Variants in DMGDH observed in about 807,000 individuals in gnomAD.
DMGDH encodes the protein dimethylglycine dehydrogenase, also known as dimethylglycine dehydrogenase, mitochondrial.
Under a neutral mutation model 95.2 loss-of-function variants are expected in DMGDH, and 76 were observed. That is an observed-to-expected ratio of 0.80 (90% CI 0.66 to 0.97). The LOEUF (loss-of-function observed/expected upper bound fraction) is 0.97, where lower values mean the gene tolerates loss of function less well. Ranked by LOEUF, DMGDH falls within the 50% of genes least tolerant of loss-of-function variation. The probability of loss-of-function intolerance (pLI) is 0.00; values close to 1 mark genes in which losing one functional copy is unlikely to be tolerated. For missense variants in DMGDH, 987 were observed against 1,055.0 expected, an observed-to-expected ratio of 0.94 and a Z score of 0.89; for synonymous variants, 345 against 377.6, an observed-to-expected ratio of 0.91 and a Z score of 1.00.
At chr5:79,052,976 C>A (rs1037739913) in intron 4 of DMGDH, among the ~76,000 whole-genome samples, 1 of 152,164 alleles carries the variant, frequency 6.6e-6, no homozygotes, top group Non-Finnish European at 1.5e-5. Flanking sequence ...ACAGCCCCAT[C>A]TGATACACTT....
In DMGDH at chr5:79,054,326, C is replaced by T. The variant is rs757714027; in HGVS notation, c.398G>A (p.Gly133Asp). The T allele has an allele frequency of 9.9e-6, 16 of 1,613,936 alleles. No individual in the cohort carries two copies. The highest frequency in any genetic ancestry group is 1.7e-5 in the Admixed American group (1 of 59,986). The change falls in exon 4 of 16, where the codon GGT (glycine) becomes GAT (aspartate). Residue 133 changes from glycine (G) to aspartate (D), a missense_variant. Physicochemically the swap from Gly to Asp is moderately conservative, Grantham distance 94. Coordinates refer to ENST00000255189, the MANE Select transcript of DMGDH (RefSeq NM_013391.3). ...AGGGGTGGTAGCAAGTCTGATACTA[C>T]CTGGCTGATGGAATCCCACCACCTG... ...TGQVVGFHQP[G>D]SIRLATTPVR...
chr5:79,069,549 C>T lies in DMGDH; in HGVS notation c.72G>A (p.Gly24=). The change falls in exon 1 of 16, where the codon GGG becomes GGA. Residue 24 remains glycine (G), a synonymous_variant. Coordinates refer to ENST00000255189, the MANE Select transcript of DMGDH (RefSeq NM_013391.3). ...LRSCPLQGSP[G]RPRSVCGREG... is the part of the protein sequence containing the mutation. ...CCCGGCCGCAGACAGAGCGCGGGCG[C>T]CCGGGGGAGCCCTGCAGCGGGCAGC... 1 of 1,317,590 alleles carries T rather than the reference C, an allele frequency of 7.6e-7. No homozygotes were observed. Among genetic ancestry groups the T allele is most frequent in the Non-Finnish European group, 9.7e-7 (1 of 1,036,074 alleles). 81.6% of individuals were successfully genotyped at this position (1,317,590 alleles called of 1,614,324 possible). A position where few individuals can be genotyped will look rare whatever the true frequency, so the allele number is the denominator to read the frequency against.
chr5:79,050,203 G>A (rs1160774220), intron 5 of DMGDH, among the ~76,000 whole-genome samples: 3 of 137,462 alleles, frequency 2.2e-5, no homozygotes, highest in Non-Finnish European at 4.6e-5. Flanking sequence ...AGCCGAGATC[G>A]CGCCATTGCA....
chr5:79,015,235 T>C (rs939164799), intron 14 of DMGDH, among the ~76,000 whole-genome samples: 1 of 152,192 alleles, frequency 6.6e-6, no homozygotes, highest in African/African-American at 2.4e-5. Flanking sequence ...CAGTCCCTCA[T>C]GTGGTATCCA....
intron 8 of DMGDH, 70 bp downstream of exon 8, chr5:79,033,169 A>G (rs967275882): frequency 1.3e-6 from 2 of 1,592,280 alleles, no homozygotes. Flanking sequence ...AATAAAGACC[A>G]TCTAAAGTCA....
At chr5:79,041,057 C>T (rs1313190163) in intron 7 of DMGDH, among the ~76,000 whole-genome samples, 4 of 152,214 alleles carry the variant, frequency 2.6e-5, no homozygotes, top group East Asian at 1.9e-4. Context: ...AACATATAGA[C>T]GGTGGTCAAG....
chr5:79,059,146 T>C (rs1335436667), intron 2 of DMGDH, among the ~76,000 whole-genome samples: 1 of 152,258 alleles, frequency 6.6e-6, no homozygotes, highest in Admixed American at 6.5e-5. Context: ...TTATTTTATA[T>C]ACTGTGTAGA....
intron 14 of DMGDH, chr5:79,021,122 A>G: frequency 1.0e-6 from 1 of 986,644 alleles, no homozygotes; most frequent in Non-Finnish European, 1.2e-6. Flanking sequence ...AGATTTTAAA[A>G]GTACAGATTC....
intron 5 of DMGDH, among the ~76,000 whole-genome samples, chr5:79,048,957 T>C (rs1422502726): frequency 1.3e-5 from 2 of 151,956 alleles, no homozygotes; most frequent in African/African-American, 2.4e-5. Flanking sequence ...AGCAAAGAAA[T>C]GCCTGGAGTT....
intron 11 of DMGDH, among the ~76,000 whole-genome samples, chr5:79,029,108 C>T (rs897993929): frequency 2.0e-5 from 3 of 152,188 alleles, no homozygotes; most frequent in African/African-American, 7.2e-5. Flanking sequence ...GACAGAAACT[C>T]TAGTTTCAAT....
intron 13 of DMGDH, among the ~76,000 whole-genome samples, chr5:79,025,368 C>T (rs1005690528): frequency 6.6e-6 from 1 of 152,210 alleles, no homozygotes; most frequent in African/African-American, 2.4e-5. Context: ...CTAGCCTCGC[C>T]TCAGTCCCCA....
chr5:79,068,582 T>C (rs1272124155), intron 1 of DMGDH, among the ~76,000 whole-genome samples: 2 of 152,194 alleles, frequency 1.3e-5, no homozygotes, highest in African/African-American at 4.8e-5. Context: ...ATTTGTTGAA[T>C]GGATAGATGG....
chr5:79,032,959 A>T, intron 8 of DMGDH, 119 bp from the exon 9 acceptor site: 3 of 1,201,840 alleles, frequency 2.5e-6, no homozygotes, highest in Non-Finnish European at 3.6e-6. Flanking sequence ...ATACATACAT[A>T]CATATATATG....
At chr5:79,006,965 T>A (rs757210483) in intron 14 of DMGDH, among the ~76,000 whole-genome samples, 8 of 152,182 alleles carry the variant, frequency 5.3e-5, no homozygotes, top group Non-Finnish European at 1.0e-4. Flanking sequence ...AGAGAAAGTT[T>A]CCATTAGCCG....
chr5:79,015,578 T>A (rs1753716794), intron 14 of DMGDH, among the ~76,000 whole-genome samples: 1 of 152,228 alleles, frequency 6.6e-6, no homozygotes, highest in Middle Eastern at 3.2e-3. Flanking sequence ...ATCTGCTATG[T>A]GCCAGCCCTG....
intron 14 of DMGDH, among the ~76,000 whole-genome samples, chr5:79,019,914 C>T (rs1359314219): frequency 6.6e-6 from 1 of 151,892 alleles, no homozygotes; most frequent in African/African-American, 2.4e-5. Flanking sequence ...ACAGATAGAT[C>T]GATAGATAGA....
intron 5 of DMGDH, among the ~76,000 whole-genome samples, chr5:79,049,919 G>A (rs1754787083): frequency 6.6e-6 from 1 of 152,106 alleles, no homozygotes; most frequent in African/African-American, 2.4e-5. Context: ...AAATATTGAA[G>A]ACATGACTTT....
intron 14 of DMGDH, among the ~76,000 whole-genome samples, chr5:79,015,163 T>C (rs1258533408): frequency 6.6e-6 from 1 of 152,074 alleles, no homozygotes; most frequent in Non-Finnish European, 1.5e-5. Flanking sequence ...CCCACACCCC[T>C]CCACCTGTGT....
rs776444842 is a variant in DMGDH at position 78,998,119 on chromosome 5, T to C, written c.2564A>G (p.Asn855Ser). The change falls in exon 16 of 16, where the codon AAC (asparagine) becomes AGC (serine). Residue 855 changes from asparagine to serine, a missense_variant. Coordinates refer to ENST00000255189, the MANE Select transcript of DMGDH (RefSeq NM_013391.3). ...CTTTCCACCTTTTTTCTGAAGCCGGTTTCTGGTTGGTTCGGTCAATACCAA... is the reference window on the plus strand; with the variant it reads ...CTTTCCACCTTTTTTCTGAAGCCGGCTTCTGGTTGGTTCGGTCAATACCAA... Reference protein sequence around the residue: ...EPLVLTEPTRNRLQKKGGKDK... With the variant: ...EPLVLTEPTRSRLQKKGGKDK... 4.5e-5 allele frequency: 73 copies of C among 1,614,170 alleles called. No individual in the cohort carries two copies. The highest frequency in any genetic ancestry group is 6.1e-5 in the Non-Finnish European group (72 of 1,180,024).
Sources: gnomAD v4.1 joint callset for allele counts (sites outside exome capture counted in the v4.1 genomes callset) on GRCh38, gnomAD v4.1.1 for gene constraint, MANE v1.5 for transcripts, NCBI Gene and HGNC (gene_info 2026-07-23, HGNC 2026-07-21) for gene names.